Variants in EDA observed in about 807,000 individuals in gnomAD.
EDA encodes ectodysplasin A.
In EDA, 2 loss-of-function variants were observed where a neutral mutation model predicts 23.6. The ratio of observed to expected loss-of-function variants is 0.08; its 90% CI spans 0.03 to 0.27. The LOEUF (loss-of-function observed/expected upper bound fraction) is 0.27. Ranked by LOEUF, EDA falls within the 10% of genes least tolerant of loss-of-function variation. The pLI, the probability that EDA is intolerant of heterozygous loss-of-function variation, is 1.00. For missense variants in EDA, 229 were observed against 324.2 expected, an observed-to-expected ratio of 0.71 and a Z score of 2.26; for synonymous variants, 131 against 132.0, an observed-to-expected ratio of 0.99 and a Z score of 0.05.
At chrX:69,739,581 T>G (rs1490521107) in intron 1 of EDA, among the ~76,000 whole-genome samples, 1 of 111,382 alleles carries the variant, frequency 9.0e-6, no homozygotes, top group African/African-American at 3.2e-5. Flanking sequence ...TGCTTTCTTT[T>G]GAATTAAATG....
chrX:69,679,134 G>A (rs1934228982), intron 1 of EDA, among the ~76,000 whole-genome samples: 1 of 109,447 alleles, frequency 9.1e-6, no homozygotes, highest in Admixed American at 9.8e-5. Context: ...TTATTGATTT[G>A]CGTATATTGA....
At chrX:69,973,454 G>A (rs768243756) in intron 2 of EDA, among the ~76,000 whole-genome samples, 1 of 111,843 alleles carries the variant, frequency 8.9e-6, no homozygotes, top group South Asian at 3.8e-4. Flanking sequence ...AACAAAGATT[G>A]TAAAACTAGG....
At chrX:69,923,138 T>C (rs190102158) in intron 1 of EDA, among the ~76,000 whole-genome samples, 57 of 111,890 alleles carry the variant, frequency 5.1e-4, no homozygotes, top group African/African-American at 1.6e-3. Context: ...CTTTCACAAC[T>C]GTTAGTTGTA....
chrX:69,753,317 T>C (rs1028207980), intron 1 of EDA, among the ~76,000 whole-genome samples: 35 of 112,072 alleles, frequency 3.1e-4, no homozygotes, highest in Admixed American at 3.8e-4. Context: ...TTTATTTCTG[T>C]CTTCATTTCG....
intron 1 of EDA, among the ~76,000 whole-genome samples, chrX:69,666,309 C>T (rs906520198): frequency 8.9e-6 from 1 of 111,917 alleles, no homozygotes. Context: ...TCTGATTGTT[C>T]TGTCTAGTAC....
intron 1 of EDA, among the ~76,000 whole-genome samples, chrX:69,764,987 G>A (rs781665878): frequency 9.8e-5 from 11 of 111,921 alleles, no homozygotes; most frequent in South Asian, 7.5e-4. Flanking sequence ...GCATGGCACC[G>A]CCTAACAATC....
intron 2 of EDA, among the ~76,000 whole-genome samples, chrX:69,982,829 G>A (rs1055183827): frequency 1.1e-4 from 9 of 83,177 alleles, no homozygotes; most frequent in Admixed American, 2.9e-4. Context: ...TTTCTGTCTC[G>A]TTGATCTGTC....
chrX:69,901,476 A>G (rs2018097591), intron 1 of EDA, among the ~76,000 whole-genome samples: 1 of 111,997 alleles, frequency 8.9e-6, no homozygotes, highest in Non-Finnish European at 1.9e-5. Context: ...GAGCACTTCT[A>G]GGTACTTTCA....
intron 1 of EDA, among the ~76,000 whole-genome samples, chrX:69,813,252 A>G (rs1458763227): frequency 8.9e-6 from 1 of 111,745 alleles, no homozygotes; most frequent in Non-Finnish European, 1.9e-5. Flanking sequence ...TTCTCTTAAG[A>G]CACAGTTATA....
intron 1 of EDA, among the ~76,000 whole-genome samples, chrX:69,889,567 T>C (rs1212767593): frequency 2.7e-5 from 3 of 112,261 alleles, no homozygotes; most frequent in Non-Finnish European, 5.6e-5. Flanking sequence ...ATGTGCTTAT[T>C]GGCTCTTTGT....
chrX:69,654,091 A>G (rs1933208487), intron 1 of EDA, among the ~76,000 whole-genome samples: 1 of 112,133 alleles, frequency 8.9e-6, no homozygotes, highest in Non-Finnish European at 1.9e-5. Flanking sequence ...AATGAACTCA[A>G]ATTTACAAGA....
intron 1 of EDA, among the ~76,000 whole-genome samples, chrX:69,804,652 C>G (rs1293785572): frequency 1.8e-5 from 2 of 109,973 alleles, no homozygotes; most frequent in African/African-American, 6.6e-5. Flanking sequence ...ATGGGAAAAT[C>G]CTTATGAAAT....
At chrX:70,027,549 G>A (rs1381250138) in intron 3 of EDA, among the ~76,000 whole-genome samples, 3 of 111,836 alleles carry the variant, frequency 2.7e-5, no homozygotes, top group Non-Finnish European at 3.8e-5. Flanking sequence ...GAGGCCAGGC[G>A]CGGTGGCTCA....
chrX:70,019,410 A>G (rs2019999509), intron 2 of EDA, among the ~76,000 whole-genome samples: 1 of 111,953 alleles, frequency 8.9e-6, no homozygotes, highest in South Asian at 3.7e-4. Flanking sequence ...TCATGGCAGC[A>G]CTCTTCACAA....
chrX:69,737,639 T>C (rs745977306), intron 1 of EDA, among the ~76,000 whole-genome samples: 13 of 112,595 alleles, frequency 1.2e-4, no homozygotes, highest in Non-Finnish European at 2.4e-4. Context: ...AATGATTACA[T>C]ATCTTTCATA....
At chrX:69,818,303 TAAA>T (rs1255560106) in intron 1 of EDA, among the ~76,000 whole-genome samples, 2 of 110,773 alleles carry the variant, frequency 1.8e-5, no homozygotes. Flanking sequence ...ACATCTCAAC[TAAA>T]AGAACTAGAG....
At chrX:69,700,305 T>C (rs770660163) in intron 1 of EDA, among the ~76,000 whole-genome samples, 46 of 111,413 alleles carry the variant, frequency 4.1e-4, no homozygotes, top group Non-Finnish European at 6.8e-4. Context: ...TGTGAGCTGG[T>C]GTGAAAGGTG....
chrX:69,686,072 G>A (rs1934534793), intron 1 of EDA, among the ~76,000 whole-genome samples: 1 of 111,978 alleles, frequency 8.9e-6, no homozygotes, highest in African/African-American at 3.2e-5. Flanking sequence ...GCAGAGGCAC[G>A]AACTCGGCTC....
intron 2 of EDA, among the ~76,000 whole-genome samples, chrX:69,960,360 G>A (rs778734735): frequency 2.7e-5 from 3 of 111,290 alleles, no homozygotes; most frequent in Non-Finnish European, 5.7e-5. Context: ...CCAGGGTTTT[G>A]GACTTCAGGA....
Sources: gnomAD v4.1 joint callset for allele counts (sites outside exome capture counted in the v4.1 genomes callset) on GRCh38, gnomAD v4.1.1 for gene constraint, MANE v1.5 for transcripts, NCBI Gene and HGNC (gene_info 2026-07-23, HGNC 2026-07-21) for gene names.